FRMPD3: variants seen among roughly 807,000 people sequenced by gnomAD.
FRMPD3 encodes the protein FERM and PDZ domain containing 3.
Under a neutral mutation model 97.9 loss-of-function variants are expected in FRMPD3, and 42 were observed. The observed-to-expected ratio is 0.43, with a 90% CI of 0.34 to 0.55. The LOEUF (loss-of-function observed/expected upper bound fraction) is 0.55. Among genes scored for constraint, FRMPD3 ranks in the 20% least tolerant of loss-of-function variants. The pLI, the probability that FRMPD3 is intolerant of heterozygous loss-of-function variation, is 0.03. For synonymous variants in FRMPD3, 577 were observed against 581.1 expected, an observed-to-expected ratio of 0.99 and a Z score of 0.10; for missense variants, 1,303 against 1,457.7, an observed-to-expected ratio of 0.89 and a Z score of 1.73.
At chrX:107,495,983 T>C (rs1274831483) in intron 1 of FRMPD3, among the ~76,000 whole-genome samples, 1 of 111,872 alleles carries the variant, frequency 8.9e-6, no homozygotes, top group Non-Finnish European at 1.9e-5. Context: ...GCCTCTTCCT[T>C]GTGTGATCTT....
intron 1 of FRMPD3, among the ~76,000 whole-genome samples, chrX:107,477,437 A>G (rs1322324308): frequency 2.7e-5 from 3 of 112,612 alleles, no homozygotes; most frequent in Non-Finnish European, 3.8e-5. Context: ...ACTGTCATAT[A>G]GAAATATTCC....
intron 1 of FRMPD3, among the ~76,000 whole-genome samples, chrX:107,450,612 A>C (rs1931270324): frequency 9.2e-6 from 1 of 109,080 alleles, no homozygotes; most frequent in African/African-American, 3.4e-5. Flanking sequence ...AGAGAGAGAG[A>C]GAGAGAGCGC....
intron 13 of FRMPD3, among the ~76,000 whole-genome samples, chrX:107,588,066 C>T (rs969474246): frequency 9.0e-5 from 10 of 111,632 alleles, no homozygotes; most frequent in Non-Finnish European, 1.5e-4. Context: ...TGAGCCGCAA[C>T]GCCCAGCCTG....
chrX:107,515,746 C>T (rs1176942294), intron 1 of FRMPD3, among the ~76,000 whole-genome samples: 1 of 110,645 alleles, frequency 9.0e-6, no homozygotes, highest in Non-Finnish European at 1.9e-5. Context: ...GATTCTGGAG[C>T]GGTGGAGAGA....
Position 107,603,496 on chromosome X carries a change from A to C in FRMPD3, c.*123A>C. 1.8e-6 allele frequency: 2 copies of C among 1,084,830 alleles called. No individual in the cohort carries two copies. Among genetic ancestry groups the C allele is most frequent in the South Asian group, 4.9e-5 (2 of 40,818 alleles). The allele number at this position is 1,084,830 out of a possible 1,213,427, so 89.4% of individuals were successfully genotyped here. A position where few individuals can be genotyped will look rare whatever the true frequency, so the allele number is the denominator to read the frequency against. On this transcript the variant is annotated 3_prime_UTR_variant, in exon 15 of 15. Coordinates refer to ENST00000683843, the MANE Select transcript of FRMPD3 (RefSeq NM_001388459.1). ...GCCAGTCAGGGTCCAAGAGCCCATC[A>C]GTCTCCGGGGAGTGGAAACTCTCTT...
At chrX:107,551,522 C>T (rs1238130442) in intron 6 of FRMPD3, among the ~76,000 whole-genome samples, 2 of 112,222 alleles carry the variant, frequency 1.8e-5, no homozygotes, top group East Asian at 2.8e-4. Context: ...TCCCACCTCA[C>T]ATCATCAGCG....
intron 1 of FRMPD3, among the ~76,000 whole-genome samples, chrX:107,471,108 C>T (rs1043380420): frequency 8.9e-6 from 1 of 112,012 alleles, no homozygotes; most frequent in Admixed American, 9.4e-5. Context: ...TCAGCAATTG[C>T]GTTTGTTTGC....
At chrX:107,452,148 T>A (rs763302354) in intron 1 of FRMPD3, among the ~76,000 whole-genome samples, 4 of 112,000 alleles carry the variant, frequency 3.6e-5, no homozygotes, top group African/African-American at 1.3e-4. Flanking sequence ...TTCAGGCACC[T>A]GTGGCAGGAC....
At position 107,457,223 on chromosome X, in the gene FRMPD3, G is replaced by GT. The variant is rs1292610692; in HGVS notation, c.-8+7228dup. Among the ~76,000 whole-genome samples the GT allele has an allele frequency of 6.5e-4, 69 of 106,131 alleles. No individual in the cohort carries two copies. In the South Asian group the frequency reaches 0.013, roughly 20 times the overall value. The allele number at this position is 106,131 out of a possible 115,157, so 92.2% of individuals were successfully genotyped here. ...CTCACAGTAAGAGGCCATCTGCTCT[G>GT]TTTTTTTTTTCCAGATAATACTATC... On this transcript the variant is annotated intron_variant, in intron 1 of 14. Transcript: ENST00000683843.
chrX:107,522,507 G>C lies in FRMPD3; in HGVS notation c.-7-4075G>C, dbSNP rs1162048964. ...CCGTGAGTGGGAGCAGGTAGGGGGTGCTGCAATTGTGGGTCCTAGCATAGA... is the reference window on the plus strand; with the variant it reads ...CCGTGAGTGGGAGCAGGTAGGGGGTCCTGCAATTGTGGGTCCTAGCATAGA... On this transcript the variant is annotated intron_variant, in intron 1 of 14. Transcript: ENST00000683843. 7.5e-6 allele frequency: 4 copies of C among 535,640 alleles called. No individual in the cohort carries two copies. In the African/African-American group the frequency reaches 9.1e-5, roughly 12 times the overall value. 44.1% of individuals were successfully genotyped at this position (535,640 alleles called of 1,213,427 possible). A position where few individuals can be genotyped will look rare whatever the true frequency, so the allele number is the denominator to read the frequency against.
rs1922296479 is a variant in FRMPD3, at chrX:107,560,339, A to G, written c.845A>G (p.Tyr282Cys). Reference sequence around the variant, plus strand: ...TTGGGCCTTGCTGCGCTCCACATCTATATCACTGTCTCAGCCACTCGACCT... The same window carrying G: ...TTGGGCCTTGCTGCGCTCCACATCTGTATCACTGTCTCAGCCACTCGACCT... ...MLLGLAALHI[Y>C]ITVSATRPSQ... The change falls in exon 9 of 15, where the codon TAT (tyrosine) becomes TGT (cysteine). Residue 282 changes from tyrosine (Y) to cysteine (C), a missense_variant. By Grantham distance (194) the Tyr-to-Cys change is radical (BLOSUM62 -2). Transcript: ENST00000683843. The G allele has an allele frequency of 2.5e-6, 3 of 1,209,703 alleles. No homozygotes were observed. Among genetic ancestry groups the G allele is most frequent in the Non-Finnish European group, 2.2e-6 (2 of 895,073 alleles).
intron 12 of FRMPD3, among the ~76,000 whole-genome samples, chrX:107,566,240 T>C (rs1922598126): frequency 8.8e-6 from 1 of 113,090 alleles, no homozygotes; most frequent in East Asian, 2.8e-4. Flanking sequence ...TCTTAAACGA[T>C]TTCCCAGGGG....
At chrX:107,495,960 G>A (rs192995927) in intron 1 of FRMPD3, among the ~76,000 whole-genome samples, 1 of 112,300 alleles carries the variant, frequency 8.9e-6, no homozygotes, top group Non-Finnish European at 1.9e-5. Flanking sequence ...CTAGGAGTTT[G>A]ATTTCCAGTG....
chrX:107,584,274 T>A (rs1204588002), intron 13 of FRMPD3, among the ~76,000 whole-genome samples: 1 of 111,807 alleles, frequency 8.9e-6, no homozygotes, highest in African/African-American at 3.3e-5. Context: ...TTTTGCCCAC[T>A]TTTTTATGGG....
intron 1 of FRMPD3, among the ~76,000 whole-genome samples, chrX:107,477,461 C>T (rs1921230632): frequency 8.9e-6 from 1 of 112,456 alleles, no homozygotes; most frequent in South Asian, 3.7e-4. Flanking sequence ...CTGGATAGTT[C>T]TAGAGAAGCA....
intron 1 of FRMPD3, among the ~76,000 whole-genome samples, chrX:107,466,690 T>C (rs773087989): frequency 6.1e-4 from 69 of 112,223 alleles, no homozygotes; most frequent in African/African-American, 2.1e-3. Flanking sequence ...TCACATGGCC[T>C]CTTCTGCAGT....
intron 1 of FRMPD3, among the ~76,000 whole-genome samples, chrX:107,474,014 G>C (rs927294356): frequency 8.9e-6 from 1 of 112,520 alleles, no homozygotes; most frequent in Non-Finnish European, 1.9e-5. Context: ...TAACCTGGGA[G>C]GCGGAGGTTA....
In FRMPD3 at chrX:107,603,648, AT is replaced by A; in HGVS notation, c.*279del. ...TTCACTCTGCTCACAGCAGAGCTGT[AT>A]TTTATCTCTTCTCTGGGGCTGAGAG... On this transcript the variant is annotated 3_prime_UTR_variant, in exon 15 of 15. Coordinates refer to ENST00000683843, the MANE Select transcript of FRMPD3 (RefSeq NM_001388459.1). 3.2e-6 allele frequency: 1 copy of A among 313,526 alleles called. No individual in the cohort carries two copies. Among genetic ancestry groups the A allele is most frequent in the Non-Finnish European group, 5.3e-6 (1 of 187,990 alleles). The allele number at this position is 313,526 out of a possible 1,213,427, so 25.8% of individuals were successfully genotyped here.
intron 5 of FRMPD3, among the ~76,000 whole-genome samples, chrX:107,549,656 C>G: frequency 9.0e-6 from 1 of 111,586 alleles, no homozygotes; most frequent in Non-Finnish European, 1.9e-5. Context: ...GAGATAAGAT[C>G]AGTCTAGAAG....
Sources: gnomAD v4.1 joint callset for allele counts (sites outside exome capture counted in the v4.1 genomes callset) on GRCh38, gnomAD v4.1.1 for gene constraint, MANE v1.5 for transcripts, NCBI Gene and HGNC (gene_info 2026-07-23, HGNC 2026-07-21) for gene names.